Variants in WWOX observed in about 807,000 individuals in gnomAD.
WWOX encodes the protein WW domain containing oxidoreductase.
Under a neutral mutation model 46.2 loss-of-function variants are expected in WWOX, and 69 were observed. That is an observed-to-expected ratio of 1.49 (90% CI 1.23 to 1.82). WWOX has a LOEUF of 1.82. WWOX is among the 40% of genes most tolerant of loss of function. WWOX has a pLI of 0.00. For synonymous variants in WWOX, 359 were observed against 202.6 expected (o/e 1.77, Z -6.56); for missense variants, 919 against 542.6 (o/e 1.69, Z -6.89).
chr16:78,467,028 A>G (rs2084096477), intron 8 of WWOX, among the ~76,000 whole-genome samples: 1 of 152,164 alleles, frequency 6.6e-6, no homozygotes. Flanking sequence ...CACTAAACGT[A>G]CCTTATCTCT....
intron 8 of WWOX, among the ~76,000 whole-genome samples, chr16:79,172,931 A>C (rs2050729405): frequency 1.3e-5 from 2 of 151,912 alleles, no homozygotes. Context: ...TGAGGCAGGA[A>C]GATTGCTTGA....
In WWOX at chr16:78,644,865, T is replaced by C. The variant is rs76889353; in HGVS notation, c.1056+212113T>C. Among the ~76,000 whole-genome samples the C allele has an allele frequency of 3.4e-3, 516 of 152,296 alleles. 2 individuals are homozygous for C. Among genetic ancestry groups the C allele is most frequent in the Non-Finnish European group, 6.3e-3 (429 of 68,026 alleles). On this transcript the variant is annotated intron_variant, in intron 8 of 8. Coordinates refer to ENST00000566780, the MANE Select transcript of WWOX (RefSeq NM_016373.4). ...CAGCAGGAGAGCATGTAGAAGAGGATAGATGTAGAAAATCGGGACGGCATG... is the reference window on the plus strand; with the variant it reads ...CAGCAGGAGAGCATGTAGAAGAGGACAGATGTAGAAAATCGGGACGGCATG...
intron 8 of WWOX, among the ~76,000 whole-genome samples, chr16:78,805,283 C>CA (rs1412460201): frequency 6.6e-6 from 1 of 152,178 alleles, no homozygotes; most frequent in Non-Finnish European, 1.5e-5. Flanking sequence ...GACGGAGTCT[C>CA]ACCCTGTCGC....
At position 78,914,827 on chromosome 16, in the gene WWOX, C is replaced by A. The variant is rs543488536; in HGVS notation, c.1057-296781C>A. Among the ~76,000 whole-genome samples the A allele has an allele frequency of 1.3e-4, 19 of 147,608 alleles. No individual in the cohort carries two copies. In the South Asian group the frequency reaches 3.9e-3, roughly 30 times the overall value. On this transcript the variant is annotated intron_variant, in intron 8 of 8. Transcript: ENST00000566780. ...CCAGGAGGCGGAGCTTGCAGTGAGC[C>A]AGGATCGCGCCACTGCACTCCCGCC... is the stretch of plus-strand genomic sequence containing the variant.
intron 8 of WWOX, among the ~76,000 whole-genome samples, chr16:79,123,557 A>C (rs1421475839): frequency 6.6e-6 from 1 of 151,986 alleles, no homozygotes; most frequent in African/African-American, 2.4e-5. Flanking sequence ...TTATGTAAGG[A>C]TTAAGGACGT....
intron 4 of WWOX, among the ~76,000 whole-genome samples, chr16:78,162,435 C>G (rs1051798769): frequency 2.0e-5 from 3 of 151,634 alleles, no homozygotes; most frequent in Admixed American, 6.6e-5. Flanking sequence ...GATACACACT[C>G]ACATATATAT....
intron 8 of WWOX, among the ~76,000 whole-genome samples, chr16:78,960,317 C>T (rs59881766): frequency 0.049 from 7,392 of 152,202 alleles, 614 homozygotes; most frequent in African/African-American, 0.17. Flanking sequence ...TCTAGCGTAA[C>T]GTTTGGCTTG....
chr16:78,790,281 C>A (rs2050560999), intron 8 of WWOX, among the ~76,000 whole-genome samples: 1 of 152,002 alleles, frequency 6.6e-6, no homozygotes, highest in African/African-American at 2.4e-5. Flanking sequence ...ATTACAGGCG[C>A]ACGCCAGCAC....
intron 8 of WWOX, among the ~76,000 whole-genome samples, chr16:78,597,301 T>C (rs2045514223): frequency 6.6e-6 from 1 of 152,186 alleles, no homozygotes; most frequent in Non-Finnish European, 1.5e-5. Context: ...AAACGGATAC[T>C]ATTAGCACCT....
intron 8 of WWOX, among the ~76,000 whole-genome samples, chr16:78,855,881 A>G (rs1452324729): frequency 6.6e-6 from 1 of 152,236 alleles, no homozygotes; most frequent in Non-Finnish European, 1.5e-5. Flanking sequence ...ATTGAGGCCC[A>G]GTCCTTACTC....
At chr16:79,002,367 G>A (rs2047110754) in intron 8 of WWOX, among the ~76,000 whole-genome samples, 1 of 151,780 alleles carries the variant, frequency 6.6e-6, no homozygotes, top group African/African-American at 2.4e-5. Flanking sequence ...GGGATAACAG[G>A]TGCACACCAC....
chr16:78,917,232 G>T (rs904113371), intron 8 of WWOX, among the ~76,000 whole-genome samples: 1 of 152,174 alleles, frequency 6.6e-6, no homozygotes, highest in African/African-American at 2.4e-5. Context: ...TGTTACTGCA[G>T]ACCTCCCAAA....
intron 8 of WWOX, among the ~76,000 whole-genome samples, chr16:79,036,179 C>T (rs2047862150): frequency 6.6e-6 from 1 of 152,174 alleles, no homozygotes; most frequent in Admixed American, 6.5e-5. Context: ...GGTCAGGTTT[C>T]ACCCTCTTCA....
intron 8 of WWOX, among the ~76,000 whole-genome samples, chr16:78,498,562 C>A (rs1033864098): frequency 5.9e-5 from 9 of 151,928 alleles, no homozygotes; most frequent in Non-Finnish European, 1.2e-4. Flanking sequence ...ACACCTTTGG[C>A]CTAAAGGGTA....
intron 8 of WWOX, among the ~76,000 whole-genome samples, chr16:78,461,053 A>C (rs532021108): frequency 2.0e-4 from 30 of 152,336 alleles, no homozygotes; most frequent in African/African-American, 6.7e-4. Context: ...GTGGTTGTTG[A>C]AGTGTATGAC....
At position 79,077,100 on chromosome 16, in the gene WWOX, T is replaced by A. The variant is rs547355809; in HGVS notation, c.1057-134508T>A. ...GTCTCATAGCAAAAAGGTGGCCGGA[T>A]GAGGATTTGAACCCACTGCTCTCCA... is the stretch of plus-strand genomic sequence containing the variant. On this transcript the variant is annotated intron_variant, in intron 8 of 8. Coordinates refer to ENST00000566780, the MANE Select transcript of WWOX (RefSeq NM_016373.4). Among the ~76,000 whole-genome samples, 14 of 152,312 alleles carry A rather than the reference T, an allele frequency of 9.2e-5. No homozygotes were observed. In the South Asian group the frequency reaches 2.7e-3, roughly 29 times the overall value.
intron 8 of WWOX, among the ~76,000 whole-genome samples, chr16:79,198,321 G>A (rs1008247073): frequency 6.6e-6 from 1 of 152,148 alleles, no homozygotes; most frequent in African/African-American, 2.4e-5. Context: ...CTGAGTGAGA[G>A]ACAGACTGTC....
chr16:79,159,783 TCTC>T (rs748968792), intron 8 of WWOX, among the ~76,000 whole-genome samples: 1 of 152,186 alleles, frequency 6.6e-6, no homozygotes, highest in Non-Finnish European at 1.5e-5. Flanking sequence ...GAGTGCGAAT[TCTC>T]CTCATGCTAG....
intron 5 of WWOX, among the ~76,000 whole-genome samples, chr16:78,321,349 CGT>C (rs2080471970): frequency 1.3e-4 from 5 of 39,946 alleles, no homozygotes; most frequent in Non-Finnish European, 2.1e-4. Context: ...TATATATATA[CGT>C]ATATATGCGT....
Sources: gnomAD v4.1 joint callset for allele counts (sites outside exome capture counted in the v4.1 genomes callset) on GRCh38, gnomAD v4.1.1 for gene constraint, MANE v1.5 for transcripts, NCBI Gene and HGNC (gene_info 2026-07-23, HGNC 2026-07-21) for gene names.